The following DCC variants were observed in gnomAD, a reference collection of about 807,000 sequenced individuals.
The protein encoded by DCC is netrin receptor DCC.
A neutral mutation model predicts 172.5 loss-of-function variants in DCC; 58 were observed. That is an observed-to-expected ratio of 0.34 (90% CI 0.27 to 0.42). The LOEUF (loss-of-function observed/expected upper bound fraction) is 0.42. DCC is among the 10% of genes least tolerant of loss of function. The pLI, the probability that DCC is intolerant of heterozygous loss-of-function variation, is 1.00. For synonymous variants in DCC, 709 were observed against 644.5 expected (o/e 1.10, Z -1.52); for missense variants, 1,740 against 1,791.0 (o/e 0.97, Z 0.51).
intron 7 of DCC, among the ~76,000 whole-genome samples, chr18:53,087,177 A>T (rs1280548769): frequency 6.6e-6 from 1 of 152,144 alleles, no homozygotes; most frequent in Non-Finnish European, 1.5e-5. Context: ...GAATCGCCAC[A>T]CTGACTTCCA....
At chr18:52,981,926 G>A (rs766130661) in intron 5 of DCC, among the ~76,000 whole-genome samples, 10 of 152,230 alleles carry the variant, frequency 6.6e-5, no homozygotes, top group Non-Finnish European at 1.5e-4. Flanking sequence ...AAGAAAAATA[G>A]AATTAGGATA....
At chr18:52,600,968 A>T (rs1159910597) in intron 1 of DCC, among the ~76,000 whole-genome samples, 1 of 152,146 alleles carries the variant, frequency 6.6e-6, no homozygotes, top group Non-Finnish European at 1.5e-5. Flanking sequence ...TATGAAACAA[A>T]AGATCTCATG....
chr18:53,155,975 ACTG>A (rs1363526997), intron 7 of DCC, among the ~76,000 whole-genome samples: 2 of 152,184 alleles, frequency 1.3e-5, no homozygotes, highest in Non-Finnish European at 2.9e-5. Context: ...GTAGACAGAT[ACTG>A]ACAGGAATAA....
chr18:52,810,631 G>A (rs573479406), intron 2 of DCC, among the ~76,000 whole-genome samples: 27 of 152,118 alleles, frequency 1.8e-4, no homozygotes, highest in East Asian at 3.9e-4. Context: ...TGGGGAGTGC[G>A]CACTGATTGG....
chr18:53,354,835 C>G (rs1599057786), intron 15 of DCC, among the ~76,000 whole-genome samples: 1 of 142,102 alleles, frequency 7.0e-6, no homozygotes, highest in African/African-American at 2.7e-5. Flanking sequence ...GTGTTTTAGA[C>G]ATGAAGTCCT....
At chr18:52,866,995 A>G (rs1460642185) in intron 2 of DCC, among the ~76,000 whole-genome samples, 1 of 152,220 alleles carries the variant, frequency 6.6e-6, no homozygotes, top group Non-Finnish European at 1.5e-5. Context: ...TTGCCCATTC[A>G]GTATGATATT....
At chr18:53,333,775 C>A (rs1234078518) in intron 14 of DCC, among the ~76,000 whole-genome samples, 3 of 152,168 alleles carry the variant, frequency 2.0e-5, no homozygotes, top group Non-Finnish European at 4.4e-5. Context: ...TATACATGCT[C>A]ACACTATATC....
intron 12 of DCC, among the ~76,000 whole-genome samples, chr18:53,302,141 G>T (rs1040003384): frequency 6.6e-6 from 1 of 151,764 alleles, no homozygotes; most frequent in Non-Finnish European, 1.5e-5. Context: ...ACCTACCCTC[G>T]TGAACTAATT....
intron 7 of DCC, among the ~76,000 whole-genome samples, chr18:53,125,725 A>C (rs1026770929): frequency 2.0e-5 from 3 of 152,128 alleles, no homozygotes; most frequent in Non-Finnish European, 4.4e-5. Flanking sequence ...ATGCCATCTC[A>C]ACACAGATTT....
Position 53,530,720 on chromosome 18 carries a change from A to G in DCC, c.*67A>G. ...TGCAGCATACCAATTACCCATAAAC[A>G]GCACACCTGTGTCCAAGAACTCTAA... On this transcript the variant is annotated 3_prime_UTR_variant, in exon 29 of 29. Transcript: ENST00000442544. 1.2e-6 allele frequency: 1 copy of G among 853,648 alleles called. No homozygotes were observed. Among genetic ancestry groups the G allele is most frequent in the Non-Finnish European group, 2.1e-6 (1 of 485,668 alleles). The allele number at this position is 853,648 out of a possible 1,614,324, so 52.9% of individuals were successfully genotyped here. A position where few individuals can be genotyped will look rare whatever the true frequency, so the allele number is the denominator to read the frequency against.
intron 12 of DCC, among the ~76,000 whole-genome samples, chr18:53,217,262 TACACACACACACACACACAC>T (rs36226906): frequency 7.5e-6 from 1 of 133,292 alleles, no homozygotes; most frequent in South Asian, 2.2e-4. Context: ...ATATATATTA[TACACACACACACACACACAC>T]ACACACACAC....
At chr18:52,607,996 T>C (rs1362494462) in intron 1 of DCC, among the ~76,000 whole-genome samples, 3 of 152,120 alleles carry the variant, frequency 2.0e-5, no homozygotes, top group Non-Finnish European at 2.9e-5. Flanking sequence ...ACTTGCAACA[T>C]GGAGGAACCT....
At chr18:52,984,234 A>G (rs929859163) in intron 5 of DCC, among the ~76,000 whole-genome samples, 15 of 152,124 alleles carry the variant, frequency 9.9e-5, no homozygotes, top group African/African-American at 3.6e-4. Flanking sequence ...TTATAGTTTC[A>G]TAGAAATAGA....
At chr18:53,000,829 A>G (rs1160929790) in intron 5 of DCC, among the ~76,000 whole-genome samples, 1 of 151,974 alleles carries the variant, frequency 6.6e-6, no homozygotes, top group African/African-American at 2.4e-5. Context: ...TTAAAATTAA[A>G]TTATATAAAC....
rs1194372904 is a variant in DCC at position 52,497,308 on chromosome 18, TATATATAC to T, written c.91+156432_91+156439del. On this transcript the variant is annotated intron_variant, in intron 1 of 28. Coordinates refer to ENST00000442544, the MANE Select transcript of DCC (RefSeq NM_005215.4). Reference sequence around the variant, plus strand: ...ATATATATATATATATATATATATATATATATACACACACACATATATATACACACGTA... The same window carrying T: ...ATATATATATATATATATATATATATACACACACATATATATACACACGTA... 3.2e-3 allele frequency among the ~76,000 whole-genome samples: 188 copies of T among 58,534 alleles called. 27 individuals carry two copies. The highest frequency in any genetic ancestry group is 0.02 in the East Asian group (41 of 2,026). The allele number at this position is 58,534 out of a possible 152,430, so 38.4% of individuals were successfully genotyped here.
At chr18:52,344,931 C>G (rs192007923) in intron 1 of DCC, among the ~76,000 whole-genome samples, 32 of 152,304 alleles carry the variant, frequency 2.1e-4, no homozygotes, top group Non-Finnish European at 3.8e-4. Context: ...CTTCAAATAG[C>G]TGACTTTGGT....
intron 6 of DCC, among the ~76,000 whole-genome samples, chr18:53,064,883 A>AT (rs1295900717): frequency 6.6e-6 from 1 of 152,108 alleles, no homozygotes; most frequent in South Asian, 2.1e-4. Context: ...CTTAAAGGAC[A>AT]TTTTTCAGTG....
chr18:52,874,160 G>A (rs1215489440), intron 2 of DCC, among the ~76,000 whole-genome samples: 1 of 152,126 alleles, frequency 6.6e-6, no homozygotes, highest in East Asian at 1.9e-4. Context: ...TGGCTAAAAT[G>A]TTTTCAATAG....
chr18:52,852,393 T>C lies in DCC; in HGVS notation c.413-53651T>C, dbSNP rs142614180. Among the ~76,000 whole-genome samples, 1,100 of 152,292 alleles carry C rather than the reference T, an allele frequency of 7.2e-3. 15 individuals are homozygous for C. Among genetic ancestry groups the C allele is most frequent in the African/African-American group, 0.025 (1,032 of 41,576 alleles). ...TTGTTATTTAACTTTCATCCATCTG[T>C]TTCTCTTTAAAAAACTGCATTTGCA... On this transcript the variant is annotated intron_variant, in intron 2 of 28. Coordinates refer to ENST00000442544, the MANE Select transcript of DCC (RefSeq NM_005215.4).
Sources: allele counts gnomAD v4.1 joint callset (sites outside exome capture counted in the v4.1 genomes callset), GRCh38; gene constraint gnomAD v4.1.1; transcripts MANE v1.5; gene names NCBI Gene and HGNC (gene_info 2026-07-23, HGNC 2026-07-21).